The following C12orf56 variants were observed in gnomAD, a reference collection of about 807,000 sequenced individuals.
C12orf56 encodes uncharacterized protein C12orf56.
In C12orf56, 71 loss-of-function variants were observed where a neutral mutation model predicts 69.9. That is an observed-to-expected ratio of 1.02 (90% CI 0.84 to 1.24). The LOEUF (loss-of-function observed/expected upper bound fraction) is 1.24. Among genes scored for constraint, C12orf56 ranks in the 50% most tolerant of loss-of-function variants. C12orf56 has a pLI of 0.00. For synonymous variants in C12orf56, 276 were observed against 274.1 expected (o/e 1.01, Z -0.07); for missense variants, 732 against 738.5 (o/e 0.99, Z 0.10).
At chr12:64,301,590 T>G (rs2038446700) in intron 6 of C12orf56, among the ~76,000 whole-genome samples, 1 of 152,192 alleles carries the variant, frequency 6.6e-6, no homozygotes, top group African/African-American at 2.4e-5. Context: ...TAAAAGAAGT[T>G]AATCACTTAC....
intron 8 of C12orf56, among the ~76,000 whole-genome samples, chr12:64,279,072 C>CT (rs1016793429): frequency 6.6e-6 from 1 of 151,862 alleles, no homozygotes; most frequent in African/African-American, 2.4e-5. Flanking sequence ...TACAGCATTT[C>CT]TTTTTTTTAA....
chr12:64,293,412 T>G (rs4763014), intron 6 of C12orf56: 141,116 of 152,362 alleles, frequency 0.93, 66,304 homozygotes, highest in East Asian at 1. Context: ...TGGAGTTATA[T>G]TCTTTGAGCT....
At position 64,386,950 on chromosome 12, in the gene C12orf56, G is replaced by A. The variant is rs1235012140; in HGVS notation, c.252+3364C>T. 4.6e-5 allele frequency among the ~76,000 whole-genome samples: 7 copies of A among 151,142 alleles called. No individual in the cohort carries two copies. In the South Asian group the frequency reaches 8.4e-4, roughly 18 times the overall value. ...AAAAATTAGCCGGGCATGGTGGTGC[G>A]TGCCTGTAGTCCCAGCTACTTAGGA... On this transcript the variant is annotated intron_variant, in intron 1 of 12. Transcript: ENST00000543942.
chr12:64,342,635 G>A (rs1354120948), intron 2 of C12orf56, among the ~76,000 whole-genome samples: 1 of 152,184 alleles, frequency 6.6e-6, no homozygotes, highest in Non-Finnish European at 1.5e-5. Context: ...GAATGCTGCT[G>A]TGCATGATCC....
rs1412897029 is a variant in C12orf56, at chr12:64,352,972, T to C, written c.337A>G (p.Lys113Glu). 4 of 1,613,516 alleles carry C rather than the reference T, an allele frequency of 2.5e-6. No individual in the cohort carries two copies. Among genetic ancestry groups the C allele is most frequent in the Non-Finnish European group, 3.4e-6 (4 of 1,179,764 alleles). The change falls in exon 2 of 13, where the codon AAA (lysine) becomes GAA (glutamate). Residue 113 changes from lysine (K) to glutamate (E), a missense_variant. Physicochemically the swap from Lys to Glu is moderately conservative, Grantham distance 56 (BLOSUM62 1). Transcript: ENST00000543942. Reference protein sequence around the residue: ...IRIIYSSTVLKKECKKSNSVR... With the variant: ...IRIIYSSTVLEKECKKSNSVR... ...CTGTTTGACTTTTTACACTCTTTTT[T>C]CAAAACGGTTGAAGAATAGATGATA...
At chr12:64,285,090 A>C (rs932169181) in intron 7 of C12orf56, among the ~76,000 whole-genome samples, 1 of 152,048 alleles carries the variant, frequency 6.6e-6, no homozygotes, top group African/African-American at 2.4e-5. Context: ...ATCTTTACAA[A>C]AGTTAGCTGA....
At chr12:64,311,266 C>A (rs1374838882) in intron 5 of C12orf56, among the ~76,000 whole-genome samples, 1 of 151,792 alleles carries the variant, frequency 6.6e-6, no homozygotes, top group Non-Finnish European at 1.5e-5. Context: ...GAAACTCAGT[C>A]TCTACTAAAA....
At chr12:64,342,708 G>A (rs895987941) in intron 2 of C12orf56, among the ~76,000 whole-genome samples, 29 of 152,348 alleles carry the variant, frequency 1.9e-4, no homozygotes, top group African/African-American at 6.7e-4. Flanking sequence ...GTCACATGGT[G>A]ACTTGGTGAC....
At chr12:64,352,800 A>G in intron 2 of C12orf56, 94 bp downstream of exon 2, 1 of 1,202,580 alleles carries the variant, frequency 8.3e-7, no homozygotes, top group East Asian at 2.9e-5. Flanking sequence ...TTTTAACTGA[A>G]CTAAGAAGCA....
intron 1 of C12orf56, among the ~76,000 whole-genome samples, chr12:64,381,126 A>C (rs1159357414): frequency 6.6e-6 from 1 of 152,056 alleles, no homozygotes. Flanking sequence ...TTTAAGGATA[A>C]TTTTGGGTGG....
intron 6 of C12orf56, among the ~76,000 whole-genome samples, chr12:64,296,701 G>A (rs2038370139): frequency 1.3e-5 from 2 of 152,158 alleles, no homozygotes; most frequent in African/African-American, 2.4e-5. Flanking sequence ...GTCTGAATGT[G>A]TCCCCCAAAG....
intron 1 of C12orf56, among the ~76,000 whole-genome samples, chr12:64,370,823 G>A (rs751002106): frequency 3.9e-5 from 6 of 152,060 alleles, no homozygotes; most frequent in Non-Finnish European, 8.8e-5. Context: ...GTACTAATGT[G>A]AAAACAGACA....
chr12:64,334,524 C>G (rs912518529), intron 2 of C12orf56, among the ~76,000 whole-genome samples: 3 of 152,078 alleles, frequency 2.0e-5, no homozygotes, highest in African/African-American at 7.2e-5. Context: ...ATTTATAATA[C>G]TAACTACAAC....
At chr12:64,367,899 C>T (rs1409199057) in intron 1 of C12orf56, among the ~76,000 whole-genome samples, 2 of 151,544 alleles carry the variant, frequency 1.3e-5, no homozygotes, top group Non-Finnish European at 2.9e-5. Context: ...CCTCTACCTC[C>T]CGGGTTCAAG....
At chr12:64,354,152 C>T (rs1190454586) in intron 1 of C12orf56, among the ~76,000 whole-genome samples, 2 of 152,212 alleles carry the variant, frequency 1.3e-5, no homozygotes, top group Non-Finnish European at 2.9e-5. Flanking sequence ...GTCCTTCTCT[C>T]CAACGTGCTC....
chr12:64,334,374 T>C (rs954907294), intron 2 of C12orf56, among the ~76,000 whole-genome samples: 4 of 152,292 alleles, frequency 2.6e-5, no homozygotes, highest in African/African-American at 4.8e-5. Flanking sequence ...AGTTGTCCCT[T>C]AGTATCCATG....
intron 1 of C12orf56, among the ~76,000 whole-genome samples, chr12:64,365,214 G>C (rs1157446121): frequency 7.0e-6 from 1 of 143,806 alleles, no homozygotes; most frequent in Non-Finnish European, 1.5e-5. Context: ...GCCCCGGCTG[G>C]AGTGCAGTGG....
At chr12:64,295,797 A>G (rs1411813568) in intron 6 of C12orf56, among the ~76,000 whole-genome samples, 3 of 150,834 alleles carry the variant, frequency 2.0e-5, no homozygotes, top group Non-Finnish European at 4.4e-5. Flanking sequence ...GGAGAAAACT[A>G]TATATAATAT....
rs1227190858 is a variant in C12orf56, at chr12:64,318,858, C to T, written c.611G>A (p.Ser204Asn). ...GCCAGTTGTTGGTGCAGACTGAGAG[C>T]TCCTCCTGGAGGGGGAAGGTAGGGG... Reference protein sequence around the residue: ...FRPLPSPSRRSSQSAPTTGKA... With the variant: ...FRPLPSPSRRNSQSAPTTGKA... The change falls in exon 4 of 13, where the codon AGC (serine) becomes AAC (asparagine). Residue 204 changes from serine (S) to asparagine (N), a missense_variant. By Grantham distance (46) the Ser-to-Asn change is conservative. Transcript: ENST00000543942. 3.9e-6 allele frequency: 6 copies of T among 1,537,092 alleles called. No homozygotes were observed. The highest frequency in any genetic ancestry group is 2.7e-5 in the African/African-American group (2 of 73,024).
Sources: allele counts gnomAD v4.1 joint callset (sites outside exome capture counted in the v4.1 genomes callset), GRCh38; gene constraint gnomAD v4.1.1; transcripts MANE v1.5; gene names NCBI Gene and HGNC (gene_info 2026-07-23, HGNC 2026-07-21).